Variants in ATG4B observed in about 807,000 individuals in gnomAD.
The protein encoded by ATG4B is autophagy related 4B cysteine peptidase.
Under a neutral mutation model 56.6 loss-of-function variants are expected in ATG4B, and 29 were observed. The observed-to-expected ratio is 0.51, with a 90% CI of 0.38 to 0.70. ATG4B has a LOEUF of 0.70. Among genes scored for constraint, ATG4B ranks in the 30% least tolerant of loss-of-function variants. The pLI is 0.00. For synonymous variants in ATG4B, 224 were observed against 206.1 expected, an observed-to-expected ratio of 1.09 and a Z score of -0.74; for missense variants, 461 against 515.5, an observed-to-expected ratio of 0.89 and a Z score of 1.02.
At chr2:241,662,891 CAAT>C (rs902437495) in intron 7 of ATG4B, among the ~76,000 whole-genome samples, 1 of 150,220 alleles carries the variant, frequency 6.7e-6, no homozygotes, top group Non-Finnish European at 1.5e-5. Flanking sequence ...ACTTCAAAAT[CAAT>C]AAAGCGGGCC....
At position 241,673,583 on chromosome 2, in the gene ATG4B, CATAG is replaced by C. The variant is rs1340322591; in HGVS notation, c.*1320_*1323del. 1.5e-5 allele frequency: 7 copies of C among 454,972 alleles called. No homozygotes were observed. Among genetic ancestry groups the C allele is most frequent in the Non-Finnish European group, 3.1e-5 (7 of 226,984 alleles). The allele number at this position is 454,972 out of a possible 1,614,324, so 28.2% of individuals were successfully genotyped here. ...CCCCCAGCCCCCCAAGCATTGAAGA[CATAG>C]TGTATTTCCTCGTATCCTTTCTCCC... On this transcript the variant is annotated 3_prime_UTR_variant, in exon 13 of 13. Coordinates refer to ENST00000404914, the MANE Select transcript of ATG4B (RefSeq NM_013325.5).
At chr2:241,645,931 C>T (rs2068047881) in intron 1 of ATG4B, among the ~76,000 whole-genome samples, 1 of 152,162 alleles carries the variant, frequency 6.6e-6, no homozygotes, top group African/African-American at 2.4e-5. Flanking sequence ...TCCTTAGGGA[C>T]CTCATGGGTC....
chr2:241,655,136 G>A, intron 5 of ATG4B, 135 bp from the exon 6 acceptor site: 1 of 782,664 alleles, frequency 1.3e-6, no homozygotes, highest in Non-Finnish European at 2.1e-6. Flanking sequence ...CGATCTTGTT[G>A]GGGCATCCTT....
chr2:241,671,247 CCTTT>C, intron 11 of ATG4B, 61 bp from the exon 12 acceptor site: 1 of 1,459,924 alleles, frequency 6.8e-7, no homozygotes, highest in South Asian at 1.2e-5. Flanking sequence ...CCGGCTGGCC[CCTTT>C]CTCTTGGCCG....
chr2:241,654,764 C>A, intron 5 of ATG4B, 117 bp downstream of exon 5: 1 of 769,892 alleles, frequency 1.3e-6, no homozygotes, highest in African/African-American at 1.7e-5. Flanking sequence ...GGCTGTAAAC[C>A]TGTAAACACT....
intron 1 of ATG4B, among the ~76,000 whole-genome samples, chr2:241,646,624 G>A (rs1015427337): frequency 2.0e-5 from 3 of 152,242 alleles, no homozygotes; most frequent in South Asian, 4.1e-4. Context: ...ATAGCTCCTC[G>A]TCAGCCACAT....
chr2:241,649,788 T>C (rs1035524500), intron 1 of ATG4B, among the ~76,000 whole-genome samples: 7 of 149,668 alleles, frequency 4.7e-5, no homozygotes, highest in African/African-American at 9.7e-5. Context: ...CTTTTTCTTT[T>C]TTTTTTTTTT....
intron 8 of ATG4B, among the ~76,000 whole-genome samples, chr2:241,667,040 G>C (rs1400418656): frequency 2.0e-5 from 3 of 152,220 alleles, no homozygotes; most frequent in African/African-American, 4.8e-5. Context: ...CTTTCGTTCT[G>C]CAAGTGTCAA....
intron 8 of ATG4B, 54 bp downstream of exon 8, chr2:241,666,892 C>T: frequency 6.6e-7 from 1 of 1,516,382 alleles, no homozygotes; most frequent in Non-Finnish European, 8.9e-7. Flanking sequence ...TCTCCCAGTT[C>T]TTAGTCACTT....
intron 1 of ATG4B, among the ~76,000 whole-genome samples, chr2:241,639,341 C>T (rs961289371): frequency 3.3e-5 from 5 of 152,330 alleles, no homozygotes; most frequent in Admixed American, 3.3e-4. Flanking sequence ...GGGGGTGTTG[C>T]AGAGTGTCAG....
chr2:241,668,748 G>C lies in ATG4B; in HGVS notation c.957+63G>C. 2 of 1,512,424 alleles carry C rather than the reference G, an allele frequency of 1.3e-6. No individual in the cohort carries two copies. Among genetic ancestry groups the C allele is most frequent in the South Asian group, 2.6e-5 (2 of 77,928 alleles). 93.7% of individuals were successfully genotyped at this position (1,512,424 alleles called of 1,614,324 possible). A position where few individuals can be genotyped will look rare whatever the true frequency, so the allele number is the denominator to read the frequency against. On this transcript the variant is annotated intron_variant, in intron 10 of 12. Coordinates refer to ENST00000404914, the MANE Select transcript of ATG4B (RefSeq NM_013325.5). This position sits in a 1 kb window ranked among gnomAD's most constrained non-coding sequence, Gnocchi z 4.2. ...CTGAATGCTGTTTGGGAATGACGAG[G>C]AAAACTTTCGGATTTTTGCGTTTTT...
chr2:241,638,110 G>T (rs2067737279), intron 1 of ATG4B, among the ~76,000 whole-genome samples: 1 of 151,870 alleles, frequency 6.6e-6, no homozygotes, highest in Admixed American at 6.6e-5. Context: ...CCGGGGACGC[G>T]AGCGGCGGGC....
chr2:241,667,177 C>A (rs1465316920), intron 8 of ATG4B, among the ~76,000 whole-genome samples: 1 of 152,190 alleles, frequency 6.6e-6, no homozygotes, highest in Non-Finnish European at 1.5e-5. Context: ...ATGCCCACCC[C>A]ACTCCCCCAC....
At chr2:241,646,182 C>T (rs781499706) in intron 1 of ATG4B, among the ~76,000 whole-genome samples, 25 of 152,190 alleles carry the variant, frequency 1.6e-4, no homozygotes, top group Non-Finnish European at 2.9e-4. Flanking sequence ...TGGTGATAAA[C>T]CTAAGAAATA....
In ATG4B at chr2:241,637,840, C is replaced by T. The variant is rs1028380731; in HGVS notation, c.10+116C>T. On this transcript the variant is annotated intron_variant, in intron 1 of 12. Transcript: ENST00000404914. ...TCGGGGCACGCCGGTGCGGGCCAGG[C>T]TGGGCCGGGGCGGCGGGCGCTGCGG... The T allele has an allele frequency of 2.6e-4, 280 of 1,062,828 alleles. 2 individuals carry two copies. In the East Asian group the frequency reaches 0.02, roughly 76 times the overall value. 65.8% of individuals were successfully genotyped at this position (1,062,828 alleles called of 1,614,324 possible).
chr2:241,657,593 G>A (rs979105710), intron 6 of ATG4B, among the ~76,000 whole-genome samples: 4 of 152,168 alleles, frequency 2.6e-5, no homozygotes, highest in African/African-American at 4.8e-5. Context: ...ATGAGCCACC[G>A]CTCCTGGCCA....
chr2:241,659,219 A>G, intron 7 of ATG4B, 32 bp downstream of exon 7: 1 of 1,593,440 alleles, frequency 6.3e-7, no homozygotes, highest in Non-Finnish European at 8.6e-7. Flanking sequence ...TGGACAAGAA[A>G]GTTGAAATCA....
At position 241,651,215 on chromosome 2, in the gene ATG4B, AC is replaced by A; in HGVS notation, c.113-48del. 1 of 1,562,074 alleles carries A rather than the reference AC, an allele frequency of 6.4e-7. No homozygotes were observed. The highest frequency in any genetic ancestry group is 8.7e-7 in the Non-Finnish European group (1 of 1,149,548). ...CTCTGCCATAACTTGTGACTTGCAAACTTAAGGCGTTGTGTGTGTGTGTTTT... is the reference window on the plus strand; with the variant it reads ...CTCTGCCATAACTTGTGACTTGCAAATTAAGGCGTTGTGTGTGTGTGTTTT... On this transcript the variant is annotated intron_variant, in intron 2 of 12. Transcript: ENST00000404914. The surrounding 1 kb of genome is among the most constrained non-coding windows in gnomAD (Gnocchi z 4.1).
intron 6 of ATG4B, among the ~76,000 whole-genome samples, chr2:241,656,079 G>C (rs1215301591): frequency 3.3e-5 from 5 of 152,034 alleles, no homozygotes; most frequent in Admixed American, 6.5e-5. Flanking sequence ...TCCCCAGCCT[G>C]TCTTCAGCCA....
Sources: allele counts gnomAD v4.1 joint callset (sites outside exome capture counted in the v4.1 genomes callset), GRCh38; gene constraint gnomAD v4.1.1; non-coding constraint Gnocchi (gnomAD v3.1); transcripts MANE v1.5; gene names NCBI Gene and HGNC (gene_info 2026-07-23, HGNC 2026-07-21).